The following NRXN1 variants were observed in gnomAD, a reference collection of about 807,000 sequenced individuals.
The protein encoded by NRXN1 is neurexin 1.
Under a neutral mutation model 150.9 loss-of-function variants are expected in NRXN1, and 39 were observed. That is an observed-to-expected ratio of 0.26 (90% CI 0.20 to 0.34). The LOEUF is 0.34. Among genes scored for constraint, NRXN1 ranks in the 10% least tolerant of loss-of-function variants. NRXN1 has a pLI of 1.00. For synonymous variants in NRXN1, 924 were observed against 757.0 expected (o/e 1.22, Z -3.62); for missense variants, 1,815 against 1,949.9 (o/e 0.93, Z 1.30).
chr2:50,203,054 G>A (rs1283525245), intron 18 of NRXN1, among the ~76,000 whole-genome samples: 1 of 151,958 alleles, frequency 6.6e-6, no homozygotes, highest in African/African-American at 2.4e-5. Context: ...AGTCTGAGAG[G>A]GTATAATGAA....
chr2:49,972,009 C>G (rs1464734276), intron 21 of NRXN1, among the ~76,000 whole-genome samples: 2 of 152,074 alleles, frequency 1.3e-5, no homozygotes, highest in African/African-American at 4.8e-5. Flanking sequence ...AGATAACTGA[C>G]AAGTGAGCTG....
chr2:50,420,725 T>A (rs970203791), intron 17 of NRXN1, among the ~76,000 whole-genome samples: 1 of 152,062 alleles, frequency 6.6e-6, no homozygotes, highest in Non-Finnish European at 1.5e-5. Context: ...GTAATTTCCT[T>A]GTTCATAGAC....
At chr2:50,083,077 G>A (rs958266225) in intron 19 of NRXN1, among the ~76,000 whole-genome samples, 1 of 152,288 alleles carries the variant, frequency 6.6e-6, no homozygotes, top group East Asian at 1.9e-4. Context: ...AATTGGCCCT[G>A]TGATACTCTG....
chr2:50,140,118 G>A (rs1288186856), intron 18 of NRXN1, among the ~76,000 whole-genome samples: 1 of 152,060 alleles, frequency 6.6e-6, no homozygotes, highest in Non-Finnish European at 1.5e-5. Flanking sequence ...GTAAAATAGT[G>A]AGCAAATGGA....
At chr2:50,150,218 T>C (rs2058616370) in intron 18 of NRXN1, among the ~76,000 whole-genome samples, 1 of 151,790 alleles carries the variant, frequency 6.6e-6, no homozygotes, top group African/African-American at 2.4e-5. Flanking sequence ...CTCATTCATT[T>C]ATCAAAGAGA....
At chr2:50,992,479 C>G (rs1407922981) in intron 2 of NRXN1, among the ~76,000 whole-genome samples, 2 of 151,696 alleles carry the variant, frequency 1.3e-5, no homozygotes, top group Admixed American at 6.6e-5. Context: ...GCTGGTAGAT[C>G]AGTGAATTTG....
chr2:49,931,782 A>G (rs1329679776), intron 22 of NRXN1, among the ~76,000 whole-genome samples: 2 of 152,200 alleles, frequency 1.3e-5, no homozygotes, highest in African/African-American at 4.8e-5. Flanking sequence ...CTCCTTATTA[A>G]CTGATTTCAA....
chr2:50,251,120 A>G (rs1237991239), intron 17 of NRXN1, among the ~76,000 whole-genome samples: 2 of 151,868 alleles, frequency 1.3e-5, no homozygotes, highest in Admixed American at 1.3e-4. Flanking sequence ...AGATGCATCT[A>G]TTAGCCCATC....
At chr2:50,338,434 T>C (rs1404410817) in intron 17 of NRXN1, among the ~76,000 whole-genome samples, 1 of 152,048 alleles carries the variant, frequency 6.6e-6, no homozygotes, top group East Asian at 1.9e-4. Flanking sequence ...GAAAACCAAA[T>C]AGAAGGTTCA....
chr2:50,514,994 C>T (rs184961291), intron 12 of NRXN1, among the ~76,000 whole-genome samples: 2 of 152,150 alleles, frequency 1.3e-5, no homozygotes, highest in Non-Finnish European at 2.9e-5. Flanking sequence ...TCCCCACCCC[C>T]CAGGCCACAG....
At chr2:50,113,408 A>T (rs914531503) in intron 18 of NRXN1, among the ~76,000 whole-genome samples, 1 of 152,180 alleles carries the variant, frequency 6.6e-6, no homozygotes, top group Non-Finnish European at 1.5e-5. Flanking sequence ...TACATACTAG[A>T]CACTGAAAAA....
In NRXN1 at chr2:50,472,292, T is replaced by C. The variant is rs2089555654; in HGVS notation, c.3244+6A>G. 5 of 1,556,508 alleles carry C rather than the reference T, an allele frequency of 3.2e-6. No individual in the cohort carries two copies. Among genetic ancestry groups the C allele is most frequent in the Non-Finnish European group, 4.3e-6 (5 of 1,149,722 alleles). On this transcript the variant is annotated splice_donor_region_variant and intron_variant, in intron 16 of 22. Coordinates refer to ENST00000401669, the MANE Select transcript of NRXN1 (RefSeq NM_001330078.2). Reference sequence around the variant, plus strand: ...TATTTAGAGCATGATGACAAAAATCTAATACCTTCACATCCTCTCTCGATC... The same window carrying C: ...TATTTAGAGCATGATGACAAAAATCCAATACCTTCACATCCTCTCTCGATC...
At chr2:50,731,366 G>A (rs1317962774) in intron 5 of NRXN1, among the ~76,000 whole-genome samples, 1 of 152,170 alleles carries the variant, frequency 6.6e-6, no homozygotes, top group Non-Finnish European at 1.5e-5. Flanking sequence ...TTATTCTTTT[G>A]TAAGTTCGCT....
At chr2:50,165,576 T>C (rs987865259) in intron 18 of NRXN1, among the ~76,000 whole-genome samples, 2 of 152,092 alleles carry the variant, frequency 1.3e-5, no homozygotes, top group Non-Finnish European at 2.9e-5. Flanking sequence ...CTCCAACTCC[T>C]GACCTCAGGT....
At chr2:50,243,847 T>A (rs1284868429) in intron 17 of NRXN1, among the ~76,000 whole-genome samples, 1 of 151,798 alleles carries the variant, frequency 6.6e-6, no homozygotes, top group Non-Finnish European at 1.5e-5. Flanking sequence ...CCAGCCAAGA[T>A]ACCATTTAAA....
At chr2:50,518,258 G>T (rs2092684836) in intron 12 of NRXN1, among the ~76,000 whole-genome samples, 2 of 151,856 alleles carry the variant, frequency 1.3e-5, no homozygotes, top group African/African-American at 4.8e-5. Flanking sequence ...AGCTCAACTG[G>T]CAAGTTTAAG....
intron 5 of NRXN1, chr2:50,829,751 T>G (rs540055506): frequency 6.3e-7 from 1 of 1,575,016 alleles, no homozygotes; most frequent in Non-Finnish European, 8.6e-7. Context: ...TTGCACGGCA[T>G]GGCCCGCTTA....
At chr2:50,227,259 C>T (rs1302703922) in intron 18 of NRXN1, among the ~76,000 whole-genome samples, 3 of 151,748 alleles carry the variant, frequency 2.0e-5, no homozygotes, top group Middle Eastern at 3.5e-3. Flanking sequence ...ACTAAGTGTC[C>T]GTGTCTATAA....
intron 21 of NRXN1, among the ~76,000 whole-genome samples, chr2:49,972,105 G>T (rs1678059143): frequency 6.6e-6 from 1 of 152,104 alleles, no homozygotes; most frequent in South Asian, 2.1e-4. Flanking sequence ...AGATTAATTT[G>T]CACTTAGGAC....
Sources: allele counts gnomAD v4.1 joint callset (sites outside exome capture counted in the v4.1 genomes callset), GRCh38; gene constraint gnomAD v4.1.1; transcripts MANE v1.5; gene names NCBI Gene and HGNC (gene_info 2026-07-23, HGNC 2026-07-21).